NME1: variants seen among roughly 807,000 people sequenced by gnomAD.
NME1 encodes the protein nucleoside diphosphate kinase A.
NME1 carries 9 observed loss-of-function variants against 17.2 expected under a neutral mutation model. That is an observed-to-expected ratio of 0.52 (90% CI 0.32 to 0.92). NME1 has a LOEUF of 0.92. Among genes scored for constraint, NME1 ranks in the 40% least tolerant of loss-of-function variants. The pLI, the probability that NME1 is intolerant of heterozygous loss-of-function variation, is 0.04. For missense variants in NME1, 169 were observed against 201.7 expected (o/e 0.84, Z 0.98); for synonymous variants, 72 against 70.8 (o/e 1.02, Z -0.09).
chr17:51,156,098 C>T, intron 2 of NME1: 1 of 350,792 alleles, frequency 2.9e-6, no homozygotes, highest in Non-Finnish European at 5.6e-6. Flanking sequence ...TGGTCTTGAG[C>T]TTCCTGAGCA....
chr17:51,155,552 C>T (rs2049773256), intron 1 of NME1, 99 bp from the exon 2 acceptor site: 3 of 1,556,012 alleles, frequency 1.9e-6, no homozygotes, highest in African/African-American at 1.4e-5. Flanking sequence ...GCTGACCTGA[C>T]AGATTTAAAC....
chr17:51,160,964 A>T lies in NME1; in HGVS notation c.229-196A>T. 3 of 717,050 alleles carry T rather than the reference A, an allele frequency of 4.2e-6. No homozygotes were observed. The South Asian group carries it at 4.6e-5, about 11-fold the overall frequency. 44.4% of individuals were successfully genotyped at this position (717,050 alleles called of 1,614,324 possible). On this transcript the variant is annotated intron_variant, in intron 3 of 4. Transcript: ENST00000393196. ...GGTTGCTGTATGGAGAATACATTGT[A>T]GAAAGGCAAGCATGAGGGCAGGGAG... is the stretch of plus-strand genomic sequence containing the variant.
chr17:51,155,998 G>A (rs2144859687), intron 2 of NME1: 1 of 512,650 alleles, frequency 2.0e-6, no homozygotes, highest in African/African-American at 1.9e-5. Flanking sequence ...TGTAATAGGA[G>A]GTGCATTGCT....
intron 2 of NME1, among the ~76,000 whole-genome samples, chr17:51,158,305 G>A (rs1223423053): frequency 6.6e-6 from 1 of 151,656 alleles, no homozygotes; most frequent in Non-Finnish European, 1.5e-5. Context: ...GCCGGGTGTA[G>A]TGGTGCACAC....
chr17:51,161,094 A>G (rs759452965), intron 3 of NME1, 66 bp from the exon 4 acceptor site: 4 of 1,501,432 alleles, frequency 2.7e-6, no homozygotes, highest in Non-Finnish European at 3.6e-6. Context: ...TTTTGAATTA[A>G]TAGTTGCCAG....
rs1346395140 is a variant in NME1, at chr17:51,160,009, C to G, written c.156C>G (p.Tyr52Ter). 8.7e-6 allele frequency: 14 copies of G among 1,614,044 alleles called. No homozygotes were observed. The highest frequency in any genetic ancestry group is 1.6e-4 in the Middle Eastern group (1 of 6,084). ...CCGAAGATCTTCTCAAGGAACACTA[C>G]GTTGACCTGAAGGACCGTCCATTCT... is the stretch of plus-strand genomic sequence containing the variant. ...QASEDLLKEH[Y>*]VDLKDRPFFA... The change falls in exon 3 of 5, where the codon TAC (tyrosine) becomes TAG (stop). Residue 52 changes from tyrosine (Y) to a stop codon, truncating the protein, a stop_gained. Coordinates refer to ENST00000393196, the MANE Select transcript of NME1 (RefSeq NM_000269.3). LOFTEE classifies it high-confidence loss of function.
chr17:51,155,006 G>C lies in NME1; in HGVS notation c.-4-645G>C, dbSNP rs964333337. Among the ~76,000 whole-genome samples the C allele has an allele frequency of 3.9e-5, 6 of 152,270 alleles. No homozygotes were observed. The East Asian group carries it at 7.7e-4, about 20-fold the overall frequency. On this transcript the variant is annotated intron_variant, in intron 1 of 4. Coordinates refer to ENST00000393196, the MANE Select transcript of NME1 (RefSeq NM_000269.3). Reference sequence around the variant, plus strand: ...TTTAATCCCAGCACTTTGGGAGGCTGAGGTGGGCAGATTACTTGAGGTCAG... The same window carrying C: ...TTTAATCCCAGCACTTTGGGAGGCTCAGGTGGGCAGATTACTTGAGGTCAG...
At chr17:51,157,428 TGAG>T (rs2049803101) in intron 2 of NME1, among the ~76,000 whole-genome samples, 1 of 152,168 alleles carries the variant, frequency 6.6e-6, no homozygotes, top group African/African-American at 2.4e-5. Flanking sequence ...AACCCACTCC[TGAG>T]ATAAGACATT....
chr17:51,161,642 A>G (rs1020592558), intron 4 of NME1, 86 bp from the exon 5 acceptor site: 14 of 991,732 alleles, frequency 1.4e-5, no homozygotes, highest in Admixed American at 6.8e-5. Flanking sequence ...TTCAGCTTTT[A>G]TGCTGCTGTG....
chr17:51,154,615 C>T (rs1203551867), intron 1 of NME1, among the ~76,000 whole-genome samples: 1 of 152,150 alleles, frequency 6.6e-6, no homozygotes, highest in Non-Finnish European at 1.5e-5. Context: ...TAAAGTGTAG[C>T]ATAACATTAC....
chr17:51,160,485 G>A (rs2049849005), intron 3 of NME1: 1 of 364,184 alleles, frequency 2.7e-6, no homozygotes. Context: ...AAGCCTGATG[G>A]GTGGGAGGGA....
At chr17:51,154,512 T>G in intron 1 of NME1, 1 of 1,341,128 alleles carries the variant, frequency 7.5e-7, no homozygotes, top group Middle Eastern at 1.8e-4. Flanking sequence ...CTAGGCTTCC[T>G]TTCAGTATGA....
At chr17:51,158,087 C>T (rs893875075) in intron 2 of NME1, among the ~76,000 whole-genome samples, 12 of 152,174 alleles carry the variant, frequency 7.9e-5, no homozygotes, top group South Asian at 4.1e-4. Flanking sequence ...GGAGACCAGC[C>T]TGGCCAACGT....
chr17:51,161,373 T>C (rs1322232012), intron 4 of NME1, 101 bp downstream of exon 4: 3 of 1,148,876 alleles, frequency 2.6e-6, no homozygotes, highest in Non-Finnish European at 1.3e-6. Context: ...CATATGCAGG[T>C]TGATTTTATC....
intron 3 of NME1, chr17:51,160,351 G>A: frequency 1.9e-6 from 1 of 530,260 alleles, no homozygotes; most frequent in South Asian, 1.9e-5. Context: ...ATGACAAGAA[G>A]CAGCCAGCCA....
chr17:51,157,623 C>CACAT (rs1242497330), intron 2 of NME1, among the ~76,000 whole-genome samples: 1 of 152,108 alleles, frequency 6.6e-6, no homozygotes, highest in Non-Finnish European at 1.5e-5. Flanking sequence ...ATATGCTGGG[C>CACAT]ACATATGTTT....
chr17:51,154,157 C>CT (rs200349379), intron 1 of NME1: 5,321 of 529,706 alleles, frequency 0.01, 8 homozygotes, highest in East Asian at 0.014. Flanking sequence ...TTGTCTCTCT[C>CT]TCTTTTTTTT....
At chr17:51,160,731 T>C in intron 3 of NME1, 1 of 314,310 alleles carries the variant, frequency 3.2e-6, no homozygotes, top group Non-Finnish European at 6.0e-6. Flanking sequence ...TGCCTTAGCC[T>C]CCTGAGTAGC....
At chr17:51,159,705 A>AT (rs76115891) in intron 2 of NME1, among the ~76,000 whole-genome samples, 57,781 of 151,578 alleles carry the variant, frequency 0.38, 10,970 homozygotes, top group Admixed American at 0.4. Context: ...CAGGAGTTTG[A>AT]TTTTTTTTTA....
Sources: allele counts gnomAD v4.1 joint callset (sites outside exome capture counted in the v4.1 genomes callset), GRCh38; gene constraint gnomAD v4.1.1; transcripts MANE v1.5; gene names NCBI Gene and HGNC (gene_info 2026-07-23, HGNC 2026-07-21).